DIP2C: variants seen among roughly 807,000 people sequenced by gnomAD.
DIP2C encodes the protein DIP2 acetate--CoA ligase C (putative).
In DIP2C, 33 loss-of-function variants were observed where a neutral mutation model predicts 192.4. That is an observed-to-expected ratio of 0.17 (90% CI 0.13 to 0.23). The LOEUF (loss-of-function observed/expected upper bound fraction) is 0.23. Among genes scored for constraint, DIP2C ranks in the 10% least tolerant of loss-of-function variants. The probability of loss-of-function intolerance (pLI) is 1.00; values close to 1 mark genes in which losing one functional copy is unlikely to be tolerated. For missense variants in DIP2C, 1,537 were observed against 2,110.1 expected (o/e 0.73, Z 5.32); for synonymous variants, 979 against 864.1 (o/e 1.13, Z -2.33).
At chr10:477,320 A>G (rs1323296291) in intron 2 of DIP2C, among the ~76,000 whole-genome samples, 1 of 192 alleles carries the variant, frequency 5.2e-3, no homozygotes, top group African/African-American at 0.025. Context: ...AGGAGAGAGG[A>G]GAGGGAGGGG....
Position 330,317 on chromosome 10 carries a change from G to A in DIP2C, c.3585-716C>T, listed in dbSNP as rs1174998737. Among the ~76,000 whole-genome samples, 4 of 151,542 alleles carry A rather than the reference G, an allele frequency of 2.6e-5. No individual in the cohort carries two copies. The East Asian group carries it at 5.8e-4, about 22-fold the overall frequency. On this transcript the variant is annotated intron_variant, in intron 29 of 36. Transcript: ENST00000280886. ...ATTCTTTAATTTTACCTTCATACTA[G>A]AGAACAGATTTAGAGAAATGAAAAA...
At chr10:410,098 T>G (rs1965087984) in intron 8 of DIP2C, among the ~76,000 whole-genome samples, 1 of 152,228 alleles carries the variant, frequency 6.6e-6, no homozygotes, top group African/African-American at 2.4e-5. Flanking sequence ...CAGTGCAAAT[T>G]AAAACACCCT....
chr10:572,157 G>T (rs904156979), intron 1 of DIP2C, among the ~76,000 whole-genome samples: 2 of 152,210 alleles, frequency 1.3e-5, no homozygotes, highest in African/African-American at 4.8e-5. Context: ...CCGGGAGCTG[G>T]GGCCCTCGAC....
At chr10:358,392 C>T (rs987083457) in intron 22 of DIP2C, among the ~76,000 whole-genome samples, 2 of 149,988 alleles carry the variant, frequency 1.3e-5, no homozygotes, top group Non-Finnish European at 3.0e-5. Context: ...ATTTCACATA[C>T]AGATGTCGTG....
At chr10:541,356 T>C (rs1847973378) in intron 1 of DIP2C, among the ~76,000 whole-genome samples, 1 of 152,016 alleles carries the variant, frequency 6.6e-6, no homozygotes, top group African/African-American at 2.4e-5. Flanking sequence ...CAAAAACACA[T>C]TTCCCAGACA....
chr10:341,171 A>C, intron 29 of DIP2C, 28 bp downstream of exon 29: 1 of 1,613,154 alleles, frequency 6.2e-7, no homozygotes, highest in Non-Finnish European at 8.5e-7. Flanking sequence ...GATTTTTTTT[A>C]ATGTAAAGAT....
chr10:348,878 C>T, intron 25 of DIP2C, 116 bp from the exon 26 acceptor site: 1 of 1,443,548 alleles, frequency 6.9e-7, no homozygotes, highest in Non-Finnish European at 9.4e-7. Context: ...AGCAGCTGAG[C>T]TTCTCACAGC....
intron 1 of DIP2C, among the ~76,000 whole-genome samples, chr10:589,038 T>TA (rs973916323): frequency 2.6e-5 from 4 of 151,998 alleles, no homozygotes; most frequent in African/African-American, 7.2e-5. Flanking sequence ...AGCAGGGGTG[T>TA]AAAAAAATTC....
At chr10:596,248 G>A (rs772039540) in intron 1 of DIP2C, among the ~76,000 whole-genome samples, 9 of 152,060 alleles carry the variant, frequency 5.9e-5, no homozygotes, top group Non-Finnish European at 1.3e-4. Flanking sequence ...GGTGGCTCAC[G>A]CCTGTAATCC....
rs575317282 is a variant in DIP2C, at chr10:533,257, G to A, written c.86-46727C>T. Reference sequence around the variant, plus strand: ...GGGTGGAAAACACATTGAAATTCCCGTGTTAGAATCATCACCACCAACACT... The same window carrying A: ...GGGTGGAAAACACATTGAAATTCCCATGTTAGAATCATCACCACCAACACT... On this transcript the variant is annotated intron_variant, in intron 1 of 36. Coordinates refer to ENST00000280886, the MANE Select transcript of DIP2C (RefSeq NM_014974.3). Among the ~76,000 whole-genome samples, 28 of 152,182 alleles carry A rather than the reference G, an allele frequency of 1.8e-4. No individual in the cohort carries two copies. In the East Asian group the frequency reaches 2.5e-3, roughly 14 times the overall value.
chr10:667,391 A>C (rs913626455), intron 1 of DIP2C: 4 of 152,248 alleles, frequency 2.6e-5, no homozygotes, highest in Non-Finnish European at 5.9e-5. Flanking sequence ...ACTCGGGAGG[A>C]CGCACGCTCA....
In DIP2C at chr10:357,833, G is replaced by A. The variant is rs1427448887; in HGVS notation, c.2899C>T (p.Arg967Cys). The A allele has an allele frequency of 2.5e-6, 4 of 1,611,950 alleles. No individual in the cohort carries two copies. Among genetic ancestry groups the A allele is most frequent in the Non-Finnish European group, 2.5e-6 (3 of 1,179,410 alleles). The change falls in exon 23 of 37, where the codon CGC (arginine) becomes TGC (cysteine). Residue 967 changes from arginine (R) to cysteine (C), a missense_variant. This residue lies in a region of DIP2C where 677 missense variants were observed against 989.9 expected (regional missense o/e 0.68). Transcript: ENST00000280886. ...CTCAGGGACCCAGCTCCTACCTTGC[G>A]TGCCTGGTCGTTATCTTCGATCTGA... Reference protein sequence around the residue: ...LGQIEDNDQARKFLFLSEVLQ... With the variant: ...LGQIEDNDQACKFLFLSEVLQ...
In DIP2C at chr10:311,893, T is replaced by C. The variant is rs547421768; in HGVS notation, c.3925-1801A>G. ...GGACACAGAAGGTAAATGGTGGCAC[T>C]GCACCGTGTCACTCACGGTGCTCTT... On this transcript the variant is annotated intron_variant, in intron 31 of 36. Coordinates refer to ENST00000280886, the MANE Select transcript of DIP2C (RefSeq NM_014974.3). Among the ~76,000 whole-genome samples, 7 of 152,308 alleles carry C rather than the reference T, an allele frequency of 4.6e-5. No individual in the cohort carries two copies. In the South Asian group the frequency reaches 1.5e-3, roughly 32 times the overall value.
chr10:364,609 A>G (rs779378979), intron 19 of DIP2C, 27 bp from the exon 20 acceptor site: 168 of 1,606,098 alleles, frequency 1.0e-4, no homozygotes, highest in Non-Finnish European at 1.3e-4. Flanking sequence ...CCATCAGGCC[A>G]CTGTTCATGT....
intron 1 of DIP2C, among the ~76,000 whole-genome samples, chr10:609,112 C>G (rs1031262515): frequency 2.0e-5 from 3 of 151,766 alleles, no homozygotes; most frequent in Non-Finnish European, 4.4e-5. Flanking sequence ...TTATGACTCG[C>G]AGTTCTAAAT....
At chr10:279,478 T>G (rs1205199397) in intron 36 of DIP2C, among the ~76,000 whole-genome samples, 1 of 152,206 alleles carries the variant, frequency 6.6e-6, no homozygotes, top group Non-Finnish European at 1.5e-5. Flanking sequence ...TGCCAGTGAC[T>G]CTCAGAGCTT....
At chr10:640,540 A>G (rs920228175) in intron 1 of DIP2C, among the ~76,000 whole-genome samples, 4 of 152,182 alleles carry the variant, frequency 2.6e-5, no homozygotes, top group Non-Finnish European at 4.4e-5. Context: ...GGGCATGGCC[A>G]GAGTAGAAAC....
chr10:519,378 T>C (rs1019368048), intron 1 of DIP2C, among the ~76,000 whole-genome samples: 5 of 152,244 alleles, frequency 3.3e-5, no homozygotes, highest in Non-Finnish European at 4.4e-5. Context: ...AAGCCTGCAC[T>C]GCTGAGTTTT....
chr10:407,744 G>A (rs1964906733), intron 9 of DIP2C, among the ~76,000 whole-genome samples: 1 of 152,148 alleles, frequency 6.6e-6, no homozygotes, highest in East Asian at 1.9e-4. Context: ...GTTTACTCAA[G>A]TCTCTGGCCC....
Sources: gnomAD v4.1 joint callset for allele counts (sites outside exome capture counted in the v4.1 genomes callset) on GRCh38, gnomAD v4.1.1 for gene constraint, gnomAD v4.1.1 regional missense constraint, MANE v1.5 for transcripts, NCBI Gene and HGNC (gene_info 2026-07-23, HGNC 2026-07-21) for gene names.